CDC16: variants seen among roughly 807,000 people sequenced by gnomAD.
The protein encoded by CDC16 is cell division cycle protein 16 homolog.
Under a neutral mutation model 87.0 loss-of-function variants are expected in CDC16, and 34 were observed. The observed-to-expected ratio is 0.39, with a 90% confidence interval of 0.30 to 0.52. The LOEUF is 0.52. Among genes scored for constraint, CDC16 ranks in the 20% least tolerant of loss-of-function variants. The probability of loss-of-function intolerance (pLI) is 0.74; values close to 1 mark genes in which losing one functional copy is unlikely to be tolerated. For missense variants in CDC16, 653 were observed against 751.9 expected (o/e 0.87, Z 1.54); for synonymous variants, 263 against 260.6 (o/e 1.01, Z -0.09).
At chr13:114,238,643 G>T (rs2081382070) in intron 3 of CDC16, among the ~76,000 whole-genome samples, 1 of 152,228 alleles carries the variant, frequency 6.6e-6, no homozygotes. Context: ...TCCTCTGCCT[G>T]ACCACTTACT....
intron 16 of CDC16, 126 bp downstream of exon 16, chr13:114,263,140 T>C: frequency 1.3e-6 from 1 of 785,794 alleles, no homozygotes; most frequent in African/African-American, 1.7e-5. Context: ...TTACGTGTTA[T>C]TCTTTTCTTT....
At chr13:114,258,018 C>G (rs964523739) in intron 13 of CDC16, among the ~76,000 whole-genome samples, 2 of 152,122 alleles carry the variant, frequency 1.3e-5, no homozygotes, top group Admixed American at 6.5e-5. Context: ...AACTCCTGAC[C>G]TGGTGATCCG....
intron 12 of CDC16, among the ~76,000 whole-genome samples, chr13:114,253,313 C>G (rs1239270128): frequency 5.9e-5 from 9 of 152,056 alleles, no homozygotes; most frequent in Non-Finnish European, 1.3e-4. Context: ...AAGAATTTCC[C>G]AAATTTTCTT....
chr13:114,247,872 G>C (rs2081956710), intron 11 of CDC16, among the ~76,000 whole-genome samples: 1 of 151,330 alleles, frequency 6.6e-6, no homozygotes, highest in African/African-American at 2.5e-5. Context: ...GCAAAACTCT[G>C]TCTCAAAAAA....
chr13:114,271,762 T>C (rs946034907), intron 17 of CDC16, among the ~76,000 whole-genome samples: 1 of 152,122 alleles, frequency 6.6e-6, no homozygotes, highest in Non-Finnish European at 1.5e-5. Context: ...ATTATAGGTG[T>C]GAGCCACCGC....
At chr13:114,272,133 G>A (rs760708491) in intron 17 of CDC16, 51 bp from the exon 18 acceptor site, 1 of 1,039,980 alleles carries the variant, frequency 9.6e-7, no homozygotes, top group Non-Finnish European at 1.4e-6. Context: ...CAATAGAAAT[G>A]ATAAGTGATG....
chr13:114,243,519 A>C (rs910548767), intron 7 of CDC16, among the ~76,000 whole-genome samples, 171 bp downstream of exon 7: 7 of 152,158 alleles, frequency 4.6e-5, no homozygotes, highest in Non-Finnish European at 8.8e-5. Flanking sequence ...AGCTTTCAAA[A>C]ATACCTTTTT....
chr13:114,237,811 C>G (rs946203149), intron 3 of CDC16, among the ~76,000 whole-genome samples: 3 of 152,164 alleles, frequency 2.0e-5, no homozygotes, highest in Admixed American at 1.3e-4. Flanking sequence ...TCCCCAGTAA[C>G]AGTTTCTCTC....
In CDC16 at chr13:114,244,907, C is replaced by G; in HGVS notation, c.785C>G (p.Pro262Arg). The change falls in exon 9 of 18, where the codon CCT becomes CGT. Residue 262 changes from proline (P) to arginine (R), a missense_variant. Transcript: ENST00000356221. ...ACTTTCAGAGTAATGGAGAAAGATC[C>G]TTTCCATGCAAGTTGTTTACCTGTA... Reference protein sequence around the residue: ...KLTSVVMEKDPFHASCLPVHI... With the variant: ...KLTSVVMEKDRFHASCLPVHI... 6.2e-7 allele frequency: 1 copy of G among 1,610,562 alleles called. No individual in the cohort carries two copies. The highest frequency in any genetic ancestry group is 8.5e-7 in the Non-Finnish European group (1 of 1,177,676).
chr13:114,270,878 G>A (rs1227334573), intron 17 of CDC16, among the ~76,000 whole-genome samples: 1 of 150,982 alleles, frequency 6.6e-6, no homozygotes, highest in East Asian at 2.0e-4. Context: ...TAATGAGTCA[G>A]AGGGATGTCT....
At chr13:114,258,485 A>C (rs993121210) in intron 13 of CDC16, among the ~76,000 whole-genome samples, 1 of 152,198 alleles carries the variant, frequency 6.6e-6, no homozygotes, top group African/African-American at 2.4e-5. Context: ...CTGTTTTGAA[A>C]TAATCCCCAA....
intron 11 of CDC16, 194 bp downstream of exon 11, chr13:114,247,198 C>T (rs1358463200): frequency 1.4e-5 from 8 of 566,708 alleles, no homozygotes; most frequent in Non-Finnish European, 2.5e-5. Context: ...CCCTCTCTCT[C>T]GAGGGTTCTC....
At chr13:114,239,517 G>GT (rs527248045) in intron 5 of CDC16, 27 bp downstream of exon 5, 593 of 1,509,240 alleles carry the variant, frequency 3.9e-4, no homozygotes, top group Middle Eastern at 2.3e-3. Context: ...GCACAGCTCA[G>GT]TAACGGCGGC....
intron 6 of CDC16, 47 bp downstream of exon 6, chr13:114,242,327 T>C (rs371099386): frequency 2.5e-6 from 4 of 1,569,956 alleles, no homozygotes; most frequent in Non-Finnish European, 3.5e-6. Context: ...AAAATTAATA[T>C]TGTTTGGATT....
chr13:114,242,187 A>G lies in CDC16; in HGVS notation c.448A>G (p.Thr150Ala), dbSNP rs1407377720. ...YDALDNRTLA[T>A]YSYKEALKLD... ...TGCTCTAGATAACCGAACCCTGGCT[A>G]CCTACAGCTACAAAGAAGCTTTGAA... Residue 150 changes from threonine (T) to alanine (A), a missense_variant, in exon 6 of 18, where the codon ACC becomes GCC. Transcript: ENST00000356221. The G allele has an allele frequency of 1.2e-6, 2 of 1,614,194 alleles. No homozygotes were observed. Among genetic ancestry groups the G allele is most frequent in the Non-Finnish European group, 1.7e-6 (2 of 1,180,030 alleles).
chr13:114,261,158 G>C (rs1222395635), intron 14 of CDC16, among the ~76,000 whole-genome samples: 1 of 152,138 alleles, frequency 6.6e-6, no homozygotes. Context: ...AAAAATTGGA[G>C]CTAATTCATT....
At chr13:114,249,380 A>G (rs1251649258) in intron 11 of CDC16, among the ~76,000 whole-genome samples, 2 of 150,788 alleles carry the variant, frequency 1.3e-5, no homozygotes, top group East Asian at 2.0e-4. Context: ...ATGAAGCTTT[A>G]CTCACCTGCC....
intron 5 of CDC16, 40 bp from the exon 6 acceptor site, chr13:114,242,081 A>C: frequency 6.4e-7 from 1 of 1,560,864 alleles, no homozygotes; most frequent in South Asian, 1.2e-5. Flanking sequence ...TTAAGTTTAA[A>C]AGTACTGACT....
At chr13:114,239,245 A>G in intron 4 of CDC16, 105 bp from the exon 5 acceptor site, 1 of 1,487,110 alleles carries the variant, frequency 6.7e-7, no homozygotes, top group Non-Finnish European at 9.0e-7. Context: ...TAGACATTTC[A>G]CATTTAAATA....
Sources: allele counts gnomAD v4.1 joint callset (sites outside exome capture counted in the v4.1 genomes callset), GRCh38; gene constraint gnomAD v4.1.1; transcripts MANE v1.5; gene names NCBI Gene and HGNC (gene_info 2026-07-23, HGNC 2026-07-21).